Variants in LRBA observed in about 807,000 individuals in gnomAD.
The protein encoded by LRBA is LPS responsive beige-like anchor protein, also known as lipopolysaccharide-responsive and beige-like anchor protein.
Under a neutral mutation model 330.0 loss-of-function variants are expected in LRBA, and 176 were observed. The ratio of observed to expected loss-of-function variants is 0.53; its 90% CI spans 0.47 to 0.60. The LOEUF (loss-of-function observed/expected upper bound fraction) is 0.60. LRBA is among the 20% of genes least tolerant of loss of function. LRBA has a pLI of 0.00. For missense variants in LRBA, 3,259 were observed against 3,444.8 expected, an observed-to-expected ratio of 0.95 and a Z score of 1.35; for synonymous variants, 1,230 against 1,193.0, an observed-to-expected ratio of 1.03 and a Z score of -0.64.
At position 151,014,696 on chromosome 4, in the gene LRBA, C is replaced by T; in HGVS notation, c.-54G>A. Reference sequence around the variant, plus strand: ...AGTCACCCTGGGACGGCAGTCGCTGCACTGGTAATGAGCACAACACACGCA... The same window carrying T: ...AGTCACCCTGGGACGGCAGTCGCTGTACTGGTAATGAGCACAACACACGCA... On this transcript the variant is annotated 5_prime_UTR_variant, in exon 2 of 57. Transcript: ENST00000651943. 1 of 1,235,350 alleles carries T rather than the reference C, an allele frequency of 8.1e-7. No homozygotes were observed. Among genetic ancestry groups the T allele is most frequent in the Non-Finnish European group, 1.1e-6 (1 of 872,450 alleles). 76.5% of individuals were successfully genotyped at this position (1,235,350 alleles called of 1,614,324 possible). A position where few individuals can be genotyped will look rare whatever the true frequency, so the allele number is the denominator to read the frequency against.
intron 2 of LRBA, among the ~76,000 whole-genome samples, chr4:150,955,894 AAATAAT>A (rs1230443950): frequency 6.7e-6 from 1 of 148,640 alleles, no homozygotes; most frequent in African/African-American, 2.6e-5. Flanking sequence ...TCCATCTCAA[AAATAAT>A]AATAATAATG....
At chr4:150,922,476 A>T (rs1396842033) in intron 4 of LRBA, among the ~76,000 whole-genome samples, 1 of 151,518 alleles carries the variant, frequency 6.6e-6, no homozygotes, top group Non-Finnish European at 1.5e-5. Context: ...AGTGACCTGG[A>T]TAAGACTGGA....
At chr4:151,001,341 A>G (rs1044776213) in intron 2 of LRBA, among the ~76,000 whole-genome samples, 4 of 151,924 alleles carry the variant, frequency 2.6e-5, no homozygotes, top group East Asian at 3.9e-4. Context: ...CCCTCACCCA[A>G]TCATTCCAGG....
intron 40 of LRBA, among the ~76,000 whole-genome samples, chr4:150,567,506 T>G (rs1769289594): frequency 6.6e-6 from 1 of 152,136 alleles, no homozygotes; most frequent in Non-Finnish European, 1.5e-5. Context: ...CTGATGGCTT[T>G]AAAATAAACT....
intron 20 of LRBA, among the ~76,000 whole-genome samples, chr4:150,869,037 C>T (rs1302378893): frequency 6.6e-6 from 1 of 152,092 alleles, no homozygotes; most frequent in African/African-American, 2.4e-5. Flanking sequence ...GGTATGCACA[C>T]ACAGTCTTTC....
intron 37 of LRBA, among the ~76,000 whole-genome samples, chr4:150,638,230 T>C (rs541815739): frequency 2.0e-5 from 3 of 152,276 alleles, no homozygotes; most frequent in Non-Finnish European, 4.4e-5. Context: ...GTTTTCACCA[T>C]GTTGGCCAGG....
At chr4:150,554,608 G>A (rs190253641) in intron 40 of LRBA, among the ~76,000 whole-genome samples, 94 of 152,158 alleles carry the variant, frequency 6.2e-4, no homozygotes, top group Non-Finnish European at 1.2e-3. Context: ...CACAACTAAA[G>A]TATAGAAAGA....
chr4:150,906,162 A>T, intron 12 of LRBA, 135 bp downstream of exon 12: 1 of 799,876 alleles, frequency 1.3e-6, no homozygotes, highest in Non-Finnish European at 2.0e-6. Flanking sequence ...GTAAAACAAC[A>T]AAATGTTATT....
Position 150,844,088 on chromosome 4 carries a change from A to T in LRBA, c.4569+12T>A. 6.6e-7 allele frequency: 1 copy of T among 1,510,868 alleles called. No homozygotes were observed. The allele number at this position is 1,510,868 out of a possible 1,614,324, so 93.6% of individuals were successfully genotyped here. On this transcript the variant is annotated intron_variant, in intron 28 of 56. Transcript: ENST00000651943. ...AGTTAAGAGAGTATGTGAAAGACAT[A>T]TTGTAACTTACTATGTCTCTGAAAA...
At chr4:150,537,185 C>T (rs566149981) in intron 40 of LRBA, among the ~76,000 whole-genome samples, 1 of 152,136 alleles carries the variant, frequency 6.6e-6, no homozygotes, top group Non-Finnish European at 1.5e-5. Context: ...TGCACACCTA[C>T]AACAAAAGTT....
At position 150,588,139 on chromosome 4, in the gene LRBA, AC is replaced by A. The variant is rs756374351; in HGVS notation, c.6238del (p.Val2080LeufsTer2). The A allele has an allele frequency of 1.2e-6, 2 of 1,611,948 alleles. No individual in the cohort carries two copies. The highest frequency in any genetic ancestry group is 2.2e-5 in the South Asian group (2 of 90,380). ...GACAGAAAGAGTGCCCTTTACTACA[AC>A]AGAGGGGGCCACAAGCTGAGCTGGT... ...STPAQLVAPS[V>X]VVKGTLSVTS... On this transcript the variant is annotated frameshift_variant, in exon 40 of 57. Coordinates refer to ENST00000651943, the MANE Select transcript of LRBA (RefSeq NM_001364905.1). LOFTEE classifies it high-confidence loss of function.
chr4:150,730,309 A>C (rs1195811985), intron 36 of LRBA, among the ~76,000 whole-genome samples: 1 of 152,224 alleles, frequency 6.6e-6, no homozygotes, highest in Non-Finnish European at 1.5e-5. Context: ...GGAAAAAGTA[A>C]TAATCCAATT....
At chr4:150,839,029 T>A (rs535533068) in intron 28 of LRBA, among the ~76,000 whole-genome samples, 1 of 151,860 alleles carries the variant, frequency 6.6e-6, no homozygotes, top group South Asian at 2.1e-4. Flanking sequence ...TACAAATAAC[T>A]CAAACAAATT....
intron 37 of LRBA, among the ~76,000 whole-genome samples, chr4:150,615,229 G>A (rs1030424629): frequency 6.6e-6 from 1 of 152,100 alleles, no homozygotes; most frequent in African/African-American, 2.4e-5. Flanking sequence ...TTCTAAGAGG[G>A]CCAAATCATT....
At chr4:150,329,659 A>C (rs1303592049) in intron 48 of LRBA, among the ~76,000 whole-genome samples, 1 of 152,136 alleles carries the variant, frequency 6.6e-6, no homozygotes, top group Non-Finnish European at 1.5e-5. Flanking sequence ...TTCCAGTCCT[A>C]TGACCAGAGG....
chr4:150,365,589 C>T (rs1415215088), intron 47 of LRBA, among the ~76,000 whole-genome samples: 5 of 151,908 alleles, frequency 3.3e-5, no homozygotes, highest in Admixed American at 6.6e-5. Context: ...GTCAAGAGTT[C>T]GAGACCAGCC....
At chr4:150,308,335 T>C (rs1007975585) in intron 52 of LRBA, among the ~76,000 whole-genome samples, 1 of 152,180 alleles carries the variant, frequency 6.6e-6, no homozygotes, top group African/African-American at 2.4e-5. Context: ...AACGTTGTAG[T>C]GCAATGCATC....
intron 36 of LRBA, among the ~76,000 whole-genome samples, chr4:150,714,061 A>G (rs1786493758): frequency 6.6e-6 from 1 of 152,180 alleles, no homozygotes; most frequent in Non-Finnish European, 1.5e-5. Flanking sequence ...CCACTTCTTT[A>G]CACTCCACAA....
At chr4:150,298,426 A>T (rs1729232530) in intron 53 of LRBA, among the ~76,000 whole-genome samples, 1 of 152,092 alleles carries the variant, frequency 6.6e-6, no homozygotes, top group African/African-American at 2.4e-5. Context: ...TATAGCAGGA[A>T]TGTCTCATTA....
Sources: gnomAD v4.1 joint callset for allele counts (sites outside exome capture counted in the v4.1 genomes callset) on GRCh38, gnomAD v4.1.1 for gene constraint, MANE v1.5 for transcripts, NCBI Gene and HGNC (gene_info 2026-07-23, HGNC 2026-07-21) for gene names.